The following SNTG1 variants were observed in gnomAD, a reference collection of about 807,000 sequenced individuals.
The protein encoded by SNTG1 is gamma-1-syntrophin.
SNTG1 carries 39 observed loss-of-function variants against 74.7 expected under a neutral mutation model. The ratio of observed to expected loss-of-function variants is 0.52; its 90% CI spans 0.40 to 0.68. SNTG1 has a LOEUF of 0.68. Ranked by LOEUF, SNTG1 falls within the 30% of genes least tolerant of loss-of-function variation. SNTG1 has a pLI of 0.00. For synonymous variants in SNTG1, 254 were observed against 217.1 expected (o/e 1.17, Z -1.49); for missense variants, 685 against 609.5 (o/e 1.12, Z -1.30).
intron 2 of SNTG1, among the ~76,000 whole-genome samples, chr8:50,340,907 A>G (rs1305443790): frequency 1.3e-5 from 2 of 152,002 alleles, no homozygotes; most frequent in Non-Finnish European, 2.9e-5. Flanking sequence ...GACAATTTGC[A>G]GAGTTCAAAG....
chr8:49,941,050 C>A (rs938896130), intron 1 of SNTG1, among the ~76,000 whole-genome samples: 1 of 152,126 alleles, frequency 6.6e-6, no homozygotes. Context: ...CAATAAAATG[C>A]CCCTTTGTGG....
intron 1 of SNTG1, among the ~76,000 whole-genome samples, chr8:50,021,583 G>A (rs2130677122): frequency 6.6e-6 from 1 of 152,216 alleles, no homozygotes; most frequent in Non-Finnish European, 1.5e-5. Flanking sequence ...CCTGTATCAT[G>A]GTGCTGATCA....
chr8:50,605,242 C>T (rs1038981553), intron 13 of SNTG1, among the ~76,000 whole-genome samples: 3 of 152,148 alleles, frequency 2.0e-5, no homozygotes, highest in African/African-American at 7.2e-5. Context: ...CCCTTAGCTG[C>T]CTTGGCTGGT....
chr8:50,225,122 C>G (rs982036777), intron 2 of SNTG1, among the ~76,000 whole-genome samples: 1 of 152,098 alleles, frequency 6.6e-6, no homozygotes, highest in South Asian at 2.1e-4. Context: ...AGGCGCCCAC[C>G]ACCACGTCCA....
intron 8 of SNTG1, among the ~76,000 whole-genome samples, chr8:50,451,780 A>T (rs780039273): frequency 1.5e-4 from 23 of 152,082 alleles, no homozygotes; most frequent in Admixed American, 1.2e-3. Context: ...AAATGACATT[A>T]AAAAAATACA....
intron 12 of SNTG1, among the ~76,000 whole-genome samples, chr8:50,586,766 T>A (rs1310863272): frequency 6.6e-6 from 1 of 151,902 alleles, no homozygotes; most frequent in African/African-American, 2.4e-5. Flanking sequence ...ATAAAACAGG[T>A]GTTTTTGAAA....
At chr8:50,527,120 T>C (rs1222821247) in intron 9 of SNTG1, among the ~76,000 whole-genome samples, 1 of 152,188 alleles carries the variant, frequency 6.6e-6, no homozygotes, top group Admixed American at 6.5e-5. Context: ...TATTGTGTGA[T>C]TATTGGCCAT....
intron 1 of SNTG1, among the ~76,000 whole-genome samples, chr8:50,097,261 A>G (rs1335436254): frequency 2.6e-5 from 4 of 152,160 alleles, no homozygotes; most frequent in African/African-American, 9.7e-5. Flanking sequence ...TTGCTGACAT[A>G]ATATTCAATT....
At chr8:49,910,110 G>C (rs1327057699), upstream of SNTG1, among the ~76,000 whole-genome samples, 1 of 152,196 alleles carries the variant, frequency 6.6e-6, no homozygotes, top group African/African-American at 2.4e-5. Context: ...CCAGACCAGC[G>C]GGAACGCGCT....
intron 1 of SNTG1, among the ~76,000 whole-genome samples, chr8:50,161,117 T>C (rs2082401902): frequency 6.6e-6 from 1 of 152,230 alleles, no homozygotes; most frequent in Non-Finnish European, 1.5e-5. Context: ...GATTGTGTCC[T>C]GAAGATGATG....
chr8:50,731,942 G>T (rs145878572), intron 17 of SNTG1, among the ~76,000 whole-genome samples: 31 of 152,040 alleles, frequency 2.0e-4, no homozygotes, highest in African/African-American at 6.7e-4. Flanking sequence ...ATTTGCCTAC[G>T]TTCTTGTCTC....
chr8:50,756,407 T>C (rs2095580624), intron 18 of SNTG1, among the ~76,000 whole-genome samples: 1 of 151,864 alleles, frequency 6.6e-6, no homozygotes, highest in African/African-American at 2.4e-5. Flanking sequence ...TGGAGCTGTG[T>C]TCCATTTGGA....
intron 17 of SNTG1, among the ~76,000 whole-genome samples, chr8:50,733,640 T>C (rs1007415294): frequency 2.6e-5 from 4 of 152,026 alleles, no homozygotes; most frequent in Admixed American, 6.6e-5. Flanking sequence ...TGTGAAATGG[T>C]ATCTCATTGT....
chr8:50,540,744 G>T (rs2130454665), intron 11 of SNTG1, among the ~76,000 whole-genome samples: 1 of 152,148 alleles, frequency 6.6e-6, no homozygotes, highest in South Asian at 2.1e-4. Context: ...GGCATGTCCA[G>T]TACCTTTGGA....
rs1032768384 is a variant in SNTG1 at position 49,999,465 on chromosome 8, G to T, written c.-103+87234G>T. 5.3e-5 allele frequency among the ~76,000 whole-genome samples: 8 copies of T among 152,198 alleles called. No homozygotes were observed. The East Asian group carries it at 1.5e-3, about 29-fold the overall frequency. ...TTGACACAACAGCCACAGTGATCTT[G>T]TTATAATAAAGTCAATTCAAGTCTG... On this transcript the variant is annotated intron_variant, in intron 1 of 18. Coordinates refer to ENST00000642720, the MANE Select transcript of SNTG1 (RefSeq NM_018967.5).
chr8:50,564,606 T>C (rs1396957133), intron 12 of SNTG1, among the ~76,000 whole-genome samples: 1 of 152,132 alleles, frequency 6.6e-6, no homozygotes, highest in Non-Finnish European at 1.5e-5. Flanking sequence ...AGCTTCTCAG[T>C]TTTTTACTTT....
rs149513740 is a variant in SNTG1 at position 50,469,395 on chromosome 8, G to A, written c.363+18666G>A. 2.7e-3 allele frequency among the ~76,000 whole-genome samples: 415 copies of A among 152,106 alleles called. 3 individuals are homozygous for A. Among genetic ancestry groups the A allele is most frequent in the African/African-American group, 9.7e-3 (404 of 41,474 alleles). ...CCTGCTGCGTGTCCACCCCCACCAC[G>A]GTCAGGGTTCCATACTGCAGTCAGG... On this transcript the variant is annotated intron_variant, in intron 8 of 18. Transcript: ENST00000642720.
At chr8:50,680,497 G>C (rs1024696731) in intron 15 of SNTG1, among the ~76,000 whole-genome samples, 1 of 152,126 alleles carries the variant, frequency 6.6e-6, no homozygotes. Flanking sequence ...TGGACTTTAA[G>C]TGTTGTTCTT....
intron 1 of SNTG1, among the ~76,000 whole-genome samples, chr8:50,104,659 T>C (rs1442953019): frequency 1.3e-5 from 2 of 152,210 alleles, no homozygotes; most frequent in Admixed American, 1.3e-4. Flanking sequence ...GATGTTACGG[T>C]GTCAATTTTG....
Sources: gnomAD v4.1 joint callset for allele counts (sites outside exome capture counted in the v4.1 genomes callset) on GRCh38, gnomAD v4.1.1 for gene constraint, MANE v1.5 for transcripts, NCBI Gene and HGNC (gene_info 2026-07-23, HGNC 2026-07-21) for gene names.